The following TUSC3 variants were observed in gnomAD, a reference collection of about 807,000 sequenced individuals.
The protein encoded by TUSC3 is dolichyl-diphosphooligosaccharide--protein glycosyltransferase subunit TUSC3.
Under a neutral mutation model 44.8 loss-of-function variants are expected in TUSC3, and 45 were observed. The ratio of observed to expected loss-of-function variants is 1.00; its 90% CI spans 0.79 to 1.29. The LOEUF (loss-of-function observed/expected upper bound fraction) is 1.29. Among genes scored for constraint, TUSC3 ranks in the 50% most tolerant of loss-of-function variants. The pLI is 0.00. For synonymous variants in TUSC3, 212 were observed against 152.9 expected (o/e 1.39, Z -2.85); for missense variants, 519 against 437.9 (o/e 1.19, Z -1.65).
the TUSC3 span, among the ~76,000 whole-genome samples, chr8:15,826,505 C>T: frequency 6.6e-6 from 1 of 152,106 alleles, no homozygotes; most frequent in African/African-American, 2.4e-5. Context: ...ACACTACTCA[C>T]CTATATAGGG....
At chr8:15,664,025 A>G (rs991502440) in intron 5 of TUSC3, among the ~76,000 whole-genome samples, 3 of 151,884 alleles carry the variant, frequency 2.0e-5, no homozygotes, top group African/African-American at 7.2e-5. Context: ...TTATTCCTCA[A>G]GAAGAGCCCA....
chr8:15,703,028 ATCT>A lies in TUSC3; in HGVS notation c.799-27633_799-27631del, dbSNP rs1213427133. On this transcript the variant is annotated intron_variant, in intron 6 of 10. Transcript: ENST00000503731. The stretch of plus-strand genomic sequence containing the variant: ...GTGCAATGGAGGTAGTAGTGAGGCT[ATCT>A]TCTTATTGTTTGTTTAACTTAGACT... Among the ~76,000 whole-genome samples the A allele has an allele frequency of 5.3e-5, 8 of 152,284 alleles. No homozygotes were observed. The East Asian group carries it at 9.7e-4, about 18-fold the overall frequency.
At chr8:15,471,996 GAAAA>G (rs889051324) in intron 1 of TUSC3, among the ~76,000 whole-genome samples, 2 of 151,190 alleles carry the variant, frequency 1.3e-5, no homozygotes, top group Non-Finnish European at 2.9e-5. Flanking sequence ...ATGTGCACAA[GAAAA>G]AAAATGATTA....
At chr8:15,741,018 G>A (rs1255024153) in intron 7 of TUSC3, among the ~76,000 whole-genome samples, 8 of 152,146 alleles carry the variant, frequency 5.3e-5, no homozygotes, top group Admixed American at 5.2e-4. Flanking sequence ...TAACAATACA[G>A]AGGGAGAGTA....
intron 6 of TUSC3, among the ~76,000 whole-genome samples, chr8:15,696,641 G>C (rs574878086): frequency 2.0e-5 from 3 of 152,304 alleles, no homozygotes; most frequent in Non-Finnish European, 1.5e-5. Flanking sequence ...AAACCCACTT[G>C]ATCATCTGTT....
intron 2 of TUSC3, among the ~76,000 whole-genome samples, chr8:15,643,854 A>G (rs984052564): frequency 6.6e-6 from 1 of 152,196 alleles, no homozygotes; most frequent in Admixed American, 6.5e-5. Flanking sequence ...AACCTTAAGT[A>G]ATAGGTGAGT....
intron 1 of TUSC3, among the ~76,000 whole-genome samples, chr8:15,435,365 C>T (rs1334715557): frequency 1.3e-5 from 2 of 152,066 alleles, no homozygotes; most frequent in African/African-American, 4.8e-5. Context: ...AGACACTTCT[C>T]AAAACTCATT....
At chr8:15,604,292 G>A (rs1804426806) in intron 1 of TUSC3, among the ~76,000 whole-genome samples, 1 of 151,556 alleles carries the variant, frequency 6.6e-6, no homozygotes, top group Non-Finnish European at 1.5e-5. Flanking sequence ...GGAAAAGAGG[G>A]GGAAAGTAAG....
intron 6 of TUSC3, among the ~76,000 whole-genome samples, chr8:15,723,674 G>C (rs1214397853): frequency 6.6e-6 from 1 of 152,052 alleles, no homozygotes; most frequent in African/African-American, 2.4e-5. Context: ...GTAACTAGTA[G>C]GAAACAGAGG....
At chr8:15,447,581 G>A (rs1160242007) in intron 1 of TUSC3, among the ~76,000 whole-genome samples, 3 of 151,688 alleles carry the variant, frequency 2.0e-5, no homozygotes, top group African/African-American at 7.3e-5. Context: ...ACAAATTCAT[G>A]TTTAAAATAG....
chr8:15,663,725 G>A (rs535581603), intron 5 of TUSC3, among the ~76,000 whole-genome samples: 1 of 152,006 alleles, frequency 6.6e-6, no homozygotes, highest in South Asian at 2.1e-4. Flanking sequence ...TAATTGTACT[G>A]TATTTAAAGT....
intron 1 of TUSC3, among the ~76,000 whole-genome samples, chr8:15,421,522 A>C (rs910043058): frequency 2.0e-5 from 3 of 152,152 alleles, no homozygotes; most frequent in African/African-American, 7.2e-5. Context: ...CCTTTGCCCC[A>C]TTCTACCTTT....
At chr8:15,718,034 T>C (rs1270788624) in intron 6 of TUSC3, among the ~76,000 whole-genome samples, 2 of 152,120 alleles carry the variant, frequency 1.3e-5, no homozygotes, top group Non-Finnish European at 2.9e-5. Flanking sequence ...ATCTAAGTAC[T>C]AGATATTGAT....
intron 6 of TUSC3, among the ~76,000 whole-genome samples, chr8:15,698,258 T>G (rs1298826112): frequency 6.6e-6 from 1 of 152,082 alleles, no homozygotes; most frequent in Admixed American, 6.5e-5. Flanking sequence ...ACTGTGAAAA[T>G]CAACATTTTA....
chr8:15,619,998 G>A (rs906785187), intron 1 of TUSC3, among the ~76,000 whole-genome samples: 4 of 152,156 alleles, frequency 2.6e-5, no homozygotes, highest in African/African-American at 9.7e-5. Flanking sequence ...GGAGGTGGAG[G>A]TTGCGATTTG....
At chr8:15,669,952 T>G (rs947773247) in intron 5 of TUSC3, among the ~76,000 whole-genome samples, 13 of 151,596 alleles carry the variant, frequency 8.6e-5, no homozygotes, top group Admixed American at 6.6e-5. Flanking sequence ...GTAAGGTTAA[T>G]GAATACATAG....
intron 6 of TUSC3, among the ~76,000 whole-genome samples, chr8:15,680,686 C>T (rs995918786): frequency 6.6e-6 from 1 of 151,978 alleles, no homozygotes; most frequent in African/African-American, 2.4e-5. Flanking sequence ...AGAATGGTTC[C>T]AGCTTTTGCC....
At chr8:15,790,772 G>A in the TUSC3 span, among the ~76,000 whole-genome samples, 7 of 152,104 alleles carry the variant, frequency 4.6e-5, no homozygotes, top group African/African-American at 1.7e-4. Context: ...TGAGAATCAA[G>A]GTGTATTTGA....
chr8:15,832,750 G>A, the TUSC3 span, among the ~76,000 whole-genome samples: 7 of 152,094 alleles, frequency 4.6e-5, no homozygotes, highest in African/African-American at 1.7e-4. Context: ...ATATATATAT[G>A]CACCCAACAC....
Sources: allele counts gnomAD v4.1 joint callset (sites outside exome capture counted in the v4.1 genomes callset), GRCh38; gene constraint gnomAD v4.1.1; transcripts MANE v1.5; gene names NCBI Gene and HGNC (gene_info 2026-07-23, HGNC 2026-07-21).